Variants in MPDZ observed in about 807,000 individuals in gnomAD.
The protein encoded by MPDZ is multiple PDZ domain crumbs cell polarity complex component.
In MPDZ, 234 loss-of-function variants were observed where a neutral mutation model predicts 239.1. The observed-to-expected ratio is 0.98, with a 90% CI of 0.88 to 1.09. The LOEUF (loss-of-function observed/expected upper bound fraction) is 1.09, where lower values mean the gene tolerates loss of function less well. MPDZ is among the 50% of genes least tolerant of loss of function. MPDZ has a pLI of 0.00. For synonymous variants in MPDZ, 1,048 were observed against 881.3 expected (o/e 1.19, Z -3.35); for missense variants, 3,175 against 2,510.0 (o/e 1.26, Z -5.66).
In MPDZ at chr9:13,278,434, T is replaced by C. The variant is rs377081971; in HGVS notation, c.-58+966A>G. 1.7e-4 allele frequency among the ~76,000 whole-genome samples: 26 copies of C among 152,004 alleles called. No individual in the cohort carries two copies. In the East Asian group the frequency reaches 3.5e-3, roughly 20 times the overall value. ...TACCTCCCGCCGGCGCCTGGCCACT[T>C]CTCCTCCCCCGCAGTCTCCGCTTGA... On this transcript the variant is annotated intron_variant, in intron 1 of 46. Transcript: ENST00000319217.
intron 21 of MPDZ, among the ~76,000 whole-genome samples, chr9:13,173,877 T>A (rs1311230665): frequency 1.3e-5 from 2 of 152,142 alleles, no homozygotes; most frequent in Admixed American, 6.6e-5. Context: ...TCCCGCTGCC[T>A]ACATGAAGGA....
At chr9:13,171,781 T>C (rs764921445) in intron 21 of MPDZ, among the ~76,000 whole-genome samples, 21 of 152,192 alleles carry the variant, frequency 1.4e-4, no homozygotes, top group Admixed American at 6.5e-4. Context: ...TGTCATTTAT[T>C]AATAACTTCT....
intron 1 of MPDZ, among the ~76,000 whole-genome samples, chr9:13,278,301 C>A (rs1260820756): frequency 6.6e-6 from 1 of 152,172 alleles, no homozygotes; most frequent in African/African-American, 2.4e-5. Context: ...AAAAGGCAGT[C>A]AGTGCCCATT....
chr9:13,176,517 G>T, intron 19 of MPDZ, 100 bp from the exon 20 acceptor site: 1 of 983,510 alleles, frequency 1.0e-6, no homozygotes, highest in Non-Finnish European at 1.4e-6. Context: ...TTAGTGAAAT[G>T]TAAAACATAA....
intron 46 of MPDZ, 127 bp downstream of exon 46, chr9:13,108,809 T>C: frequency 1.1e-6 from 1 of 925,324 alleles, no homozygotes; most frequent in Non-Finnish European, 1.5e-6. Context: ...TGTAGGGAGT[T>C]TTGAAAAGAA....
intron 38 of MPDZ, 105 bp from the exon 39 acceptor site, chr9:13,119,754 GA>G: frequency 7.4e-7 from 1 of 1,348,806 alleles, no homozygotes; most frequent in Non-Finnish European, 1.0e-6. Flanking sequence ...TTGTTTTTAT[GA>G]CTTTAAAAGT....
intron 1 of MPDZ, among the ~76,000 whole-genome samples, chr9:13,273,153 C>T (rs1464766076): frequency 1.3e-5 from 2 of 152,134 alleles, no homozygotes; most frequent in Middle Eastern, 3.2e-3. Flanking sequence ...TCTGGTACTT[C>T]CCAGCCTCCA....
intron 5 of MPDZ, among the ~76,000 whole-genome samples, 185 bp from the exon 6 acceptor site, chr9:13,222,631 G>A (rs1463561871): frequency 1.3e-5 from 2 of 151,948 alleles, no homozygotes; most frequent in Non-Finnish European, 2.9e-5. Context: ...CTCTCGTAAG[G>A]TTATTTCACT....
At chr9:13,179,088 G>T (rs1372919625) in intron 19 of MPDZ, among the ~76,000 whole-genome samples, 2 of 151,974 alleles carry the variant, frequency 1.3e-5, no homozygotes, top group Non-Finnish European at 1.5e-5. Flanking sequence ...TATCTCTCTA[G>T]AATTATCAGA....
intron 15 of MPDZ, among the ~76,000 whole-genome samples, chr9:13,190,749 G>C (rs769198488): frequency 3.9e-5 from 6 of 152,130 alleles, no homozygotes; most frequent in African/African-American, 7.2e-5. Context: ...GCTGTGACTT[G>C]TGCATATGGT....
intron 23 of MPDZ, among the ~76,000 whole-genome samples, chr9:13,159,375 A>G (rs1446374330): frequency 6.6e-6 from 1 of 152,172 alleles, no homozygotes; most frequent in East Asian, 1.9e-4. Context: ...TAGGGCTCCT[A>G]GAGTCTAAGT....
intron 12 of MPDZ, among the ~76,000 whole-genome samples, 183 bp from the exon 13 acceptor site, chr9:13,196,413 T>C (rs111452255): frequency 7.2e-5 from 11 of 152,304 alleles, no homozygotes; most frequent in Admixed American, 1.3e-4. Flanking sequence ...ATAATTTGTA[T>C]GTTTGACACT....
At chr9:13,150,772 A>G in intron 24 of MPDZ, 84 bp from the exon 25 acceptor site, 2 of 887,322 alleles carry the variant, frequency 2.3e-6, no homozygotes, top group Non-Finnish European at 3.0e-6. Flanking sequence ...ATGATTTCTT[A>G]TATATAACAC....
chr9:13,125,562 T>C (rs1019867049), intron 34 of MPDZ, among the ~76,000 whole-genome samples, 172 bp from the exon 35 acceptor site: 2 of 152,208 alleles, frequency 1.3e-5, no homozygotes, highest in African/African-American at 4.8e-5. Flanking sequence ...CTCTAGTTTC[T>C]CTCTAGCTTT....
Position 13,219,560 on chromosome 9 carries a change from C to A in MPDZ, c.1085G>T (p.Arg362Leu). Reference protein sequence around the residue: ...SSSPTSTPELRVDASTQKGEE... With the variant: ...SSSPTSTPELLVDASTQKGEE... Reference sequence around the variant, plus strand: ...CATTAACTACTCTTAACTACTTACCCGCAACTCTGGTGTTGAAGTTGGGGA... The same window carrying A: ...CATTAACTACTCTTAACTACTTACCAGCAACTCTGGTGTTGAAGTTGGGGA... Residue 362 changes from arginine to leucine, a missense_variant and splice_region_variant, in exon 8 of 47, where the codon CGG becomes CTG. Arg to Leu is a moderately radical substitution (Grantham distance 102). Transcript: ENST00000319217. The A allele has an allele frequency of 6.2e-7, 1 of 1,611,066 alleles. No homozygotes were observed.
intron 1 of MPDZ, among the ~76,000 whole-genome samples, chr9:13,265,659 C>A (rs535844276): frequency 1.3e-5 from 2 of 152,310 alleles, no homozygotes; most frequent in South Asian, 4.1e-4. Flanking sequence ...TCTGTTAGAA[C>A]CTACCAACTG....
At chr9:13,262,963 T>A (rs1355188999) in intron 1 of MPDZ, among the ~76,000 whole-genome samples, 1 of 151,760 alleles carries the variant, frequency 6.6e-6, no homozygotes, top group Non-Finnish European at 1.5e-5. Flanking sequence ...CAGTTAGGAG[T>A]GGACAAATGG....
chr9:13,145,149 C>T (rs1250996189), intron 26 of MPDZ, among the ~76,000 whole-genome samples: 4 of 151,918 alleles, frequency 2.6e-5, no homozygotes, highest in South Asian at 4.1e-4. Flanking sequence ...GCACAGCAGA[C>T]GAAATGGTAG....
At chr9:13,192,369 T>A (rs187961474) in intron 14 of MPDZ, 74 bp from the exon 15 acceptor site, 3 of 1,340,854 alleles carry the variant, frequency 2.2e-6, no homozygotes, top group Non-Finnish European at 3.1e-6. Flanking sequence ...AATTTTTTTA[T>A]TAAATATAAA....
Sources: allele counts gnomAD v4.1 joint callset (sites outside exome capture counted in the v4.1 genomes callset), GRCh38; gene constraint gnomAD v4.1.1; transcripts MANE v1.5; gene names NCBI Gene and HGNC (gene_info 2026-07-23, HGNC 2026-07-21).